CPAP: variants seen among roughly 807,000 people sequenced by gnomAD.
The protein encoded by CPAP is centrosome assembly and centriole elongation protein.
the CPAP span, chr13:24,885,494 G>A: frequency 5.9e-6 from 7 of 1,182,928 alleles, no homozygotes; most frequent in Non-Finnish European, 8.9e-6. Flanking sequence ...CATTTATAAT[G>A]TTAAGTAAAA....
chr13:24,927,990 C>T, the CPAP span, among the ~76,000 whole-genome samples: 1 of 152,170 alleles, frequency 6.6e-6, no homozygotes, highest in African/African-American at 2.4e-5. Context: ...TTATGTTGAC[C>T]AGGAGCTGAC....
the CPAP span, chr13:24,913,151 A>T: frequency 1.3e-6 from 1 of 776,830 alleles, no homozygotes; most frequent in East Asian, 2.7e-5. Context: ...TCCTACCAAA[A>T]ATGAGCCCAA....
the CPAP span, among the ~76,000 whole-genome samples, chr13:24,931,807 T>C: frequency 2.6e-5 from 4 of 152,270 alleles, no homozygotes; most frequent in African/African-American, 9.6e-5. Context: ...CCCGAAATTT[T>C]CTTCTTTCCC....
the CPAP span, chr13:24,884,421 G>T: frequency 4.5e-5 from 73 of 1,614,026 alleles, 3 homozygotes; most frequent in African/African-American, 8.1e-4. Context: ...GTTCCATTGG[G>T]AAACAGTATA....
chr13:24,918,917 T>C, the CPAP span, among the ~76,000 whole-genome samples: 1 of 152,054 alleles, frequency 6.6e-6, no homozygotes, highest in South Asian at 2.1e-4. Context: ...TCAACTGTAA[T>C]TAGTCACCTG....
the CPAP span, chr13:24,884,314 GAAAC>G: frequency 6.2e-7 from 1 of 1,614,090 alleles, no homozygotes. Context: ...AACACCTCTG[GAAAC>G]ATACCACTCT....
At chr13:24,884,585 A>T in the CPAP span, 1 of 960,570 alleles carries the variant, frequency 1.0e-6, no homozygotes, top group Non-Finnish European at 1.7e-6. Context: ...CCCTCAAAAG[A>T]TCCTTTATTT....
the CPAP span, among the ~76,000 whole-genome samples, chr13:24,894,208 A>C: frequency 1.3e-5 from 2 of 152,212 alleles, no homozygotes; most frequent in Admixed American, 6.5e-5. Context: ...AAGCAGAGGC[A>C]TATGGAGGTG....
the CPAP span, chr13:24,892,629 G>A: frequency 1.1e-5 from 18 of 1,596,852 alleles, no homozygotes; most frequent in East Asian, 2.2e-5. Flanking sequence ...CAACCCACCC[G>A]CCTCCCTGCC....
chr13:24,913,183 G>A, the CPAP span: 2 of 632,342 alleles, frequency 3.2e-6, no homozygotes, highest in East Asian at 2.7e-5. Flanking sequence ...GCATAAAAAT[G>A]TCCTCAATAT....
chr13:24,904,166 A>G, the CPAP span: 45 of 1,210,564 alleles, frequency 3.7e-5, no homozygotes, highest in Non-Finnish European at 5.4e-5. Flanking sequence ...CATCTGTGCT[A>G]TTAAAATGCA....
chr13:24,892,969 GA>G, the CPAP span: 2 of 865,950 alleles, frequency 2.3e-6, no homozygotes, highest in Admixed American at 4.6e-5. Flanking sequence ...TAGCCAGCAA[GA>G]AAGGGAAGGC....
the CPAP span, among the ~76,000 whole-genome samples, chr13:24,930,492 C>T: frequency 6.6e-6 from 1 of 152,048 alleles, no homozygotes; most frequent in African/African-American, 2.4e-5. Context: ...TCCCCAGTGT[C>T]TATTGTTGCC....
At chr13:24,918,717 T>C in the CPAP span, among the ~76,000 whole-genome samples, 2 of 152,146 alleles carry the variant, frequency 1.3e-5, no homozygotes, top group African/African-American at 4.8e-5. Context: ...ATATGAAAGA[T>C]ATGCAGGGAG....
At chr13:24,903,931 T>A in the CPAP span, 1 of 1,613,882 alleles carries the variant, frequency 6.2e-7, no homozygotes, top group Non-Finnish European at 8.5e-7. Context: ...CGTACCTGAG[T>A]TTTTCCAAGG....
chr13:24,901,733 T>C, the CPAP span, among the ~76,000 whole-genome samples: 3,057 of 152,326 alleles, frequency 0.02, 112 homozygotes, highest in African/African-American at 0.07. Flanking sequence ...AGCTCATGCC[T>C]GTAAGCCCAG....
the CPAP span, chr13:24,922,624 T>C: frequency 0.52 from 79,576 of 152,436 alleles, 20,882 homozygotes; most frequent in South Asian, 0.61. Context: ...CCTGAGCGCG[T>C]CCCGGCGCCC....
the CPAP span, among the ~76,000 whole-genome samples, chr13:24,926,747 C>T: frequency 3.3e-5 from 5 of 152,186 alleles, no homozygotes; most frequent in East Asian, 9.6e-4. Context: ...AAGGGGAGCT[C>T]TTGGCCTGCC....
the CPAP span, among the ~76,000 whole-genome samples, chr13:24,916,948 A>G: frequency 6.6e-6 from 1 of 152,126 alleles, no homozygotes; most frequent in Non-Finnish European, 1.5e-5. Context: ...ATCAGAAATA[A>G]AGACAAAAAA....
Sources: gnomAD v4.1 joint callset for allele counts (sites outside exome capture counted in the v4.1 genomes callset) on GRCh38, gnomAD v4.1.1 for gene constraint, MANE v1.5 for transcripts, NCBI Gene and HGNC (gene_info 2026-07-23, HGNC 2026-07-21) for gene names.